LTBP1: variants seen among roughly 807,000 people sequenced by gnomAD.
LTBP1 encodes latent transforming growth factor beta binding protein 1, also known as latent-transforming growth factor beta-binding protein 1.
A neutral mutation model predicts 207.6 loss-of-function variants in LTBP1; 129 were observed. The observed-to-expected ratio is 0.62, with a 90% CI of 0.54 to 0.72. The LOEUF is 0.72. Ranked by LOEUF, LTBP1 falls within the 30% of genes least tolerant of loss-of-function variation. The pLI is 0.00. For missense variants in LTBP1, 2,281 were observed against 2,217.2 expected (o/e 1.03, Z -0.58); for synonymous variants, 963 against 833.7 (o/e 1.16, Z -2.67).
At chr2:33,081,134 C>CATT (rs2078369791) in intron 3 of LTBP1, among the ~76,000 whole-genome samples, 1 of 126,468 alleles carries the variant, frequency 7.9e-6, no homozygotes, top group African/African-American at 2.7e-5. Flanking sequence ...CTTAGCAAAG[C>CATT]CCCTTTGTTC....
In LTBP1 at chr2:33,056,684, C is replaced by T. The variant is rs544691652; in HGVS notation, c.863+35478C>T. The stretch of plus-strand genomic sequence containing the variant: ...TTTCTTCCTTCTGGGTTTGTGGTCT[C>T]GCTGGCTCAGGAGTGAAGATGCAGA... On this transcript the variant is annotated intron_variant, in intron 3 of 33. Transcript: ENST00000404816. 7.9e-5 allele frequency among the ~76,000 whole-genome samples: 12 copies of T among 151,956 alleles called. No individual in the cohort carries two copies. In the South Asian group the frequency reaches 1.0e-3, roughly 13 times the overall value.
At chr2:33,043,001 G>A (rs2076263856) in intron 3 of LTBP1, among the ~76,000 whole-genome samples, 1 of 152,100 alleles carries the variant, frequency 6.6e-6, no homozygotes, top group Admixed American at 6.6e-5. Context: ...CCCCAGCACT[G>A]TCTACACAGT....
At chr2:33,316,563 A>G (rs989455963) in intron 24 of LTBP1, among the ~76,000 whole-genome samples, 13 of 152,194 alleles carry the variant, frequency 8.5e-5, no homozygotes, top group African/African-American at 3.1e-4. Context: ...GAGAGAGTTC[A>G]GGGTGGATTG....
At chr2:33,358,437 T>C (rs2094890303) in intron 26 of LTBP1, among the ~76,000 whole-genome samples, 1 of 151,554 alleles carries the variant, frequency 6.6e-6, no homozygotes, top group African/African-American at 2.4e-5. Flanking sequence ...TATATTTAAA[T>C]ATATTTCAAA....
chr2:32,998,124 T>C (rs886266954), intron 2 of LTBP1, among the ~76,000 whole-genome samples: 3 of 152,196 alleles, frequency 2.0e-5, no homozygotes, highest in African/African-American at 7.2e-5. Context: ...ATTATAACTC[T>C]TGGACTCCTC....
At chr2:33,045,474 G>A (rs558955524) in intron 3 of LTBP1, among the ~76,000 whole-genome samples, 1 of 152,226 alleles carries the variant, frequency 6.6e-6, no homozygotes, top group East Asian at 1.9e-4. Context: ...TGGTCTGTAT[G>A]TCTGTTTTGG....
rs569934518 is a variant in LTBP1 at position 33,057,749 on chromosome 2, C to G, written c.863+36543C>G. 2.6e-5 allele frequency among the ~76,000 whole-genome samples: 4 copies of G among 152,228 alleles called. No homozygotes were observed. In the East Asian group the frequency reaches 5.8e-4, roughly 22 times the overall value. On this transcript the variant is annotated intron_variant, in intron 3 of 33. Coordinates refer to ENST00000404816, the MANE Select transcript of LTBP1 (RefSeq NM_206943.4). ...GCGGGGCCGCCAAGCCCACGCTCAC[C>G]GGGAACTCTAGCTGGCCTGCAAGCA...
intron 5 of LTBP1, among the ~76,000 whole-genome samples, chr2:33,173,429 C>T (rs1240766727): frequency 7.2e-5 from 11 of 152,192 alleles, no homozygotes; most frequent in Admixed American, 5.9e-4. Context: ...TTCCTTGACA[C>T]ATACACCCTC....
intron 3 of LTBP1, among the ~76,000 whole-genome samples, chr2:33,085,295 A>G (rs1163802805): frequency 2.6e-5 from 4 of 152,174 alleles, no homozygotes; most frequent in Non-Finnish European, 4.4e-5. Context: ...GTTTATGGCA[A>G]TTTGTTAGAG....
chr2:33,021,871 T>C (rs1398266847), intron 3 of LTBP1, among the ~76,000 whole-genome samples: 1 of 152,224 alleles, frequency 6.6e-6, no homozygotes, highest in African/African-American at 2.4e-5. Flanking sequence ...CCCCGTTCTC[T>C]GAGTTGCATT....
At chr2:33,162,849 C>T (rs942524096) in intron 5 of LTBP1, among the ~76,000 whole-genome samples, 1 of 152,154 alleles carries the variant, frequency 6.6e-6, no homozygotes, top group African/African-American at 2.4e-5. Flanking sequence ...CAGACAGGAA[C>T]CCTTGTCATT....
At chr2:32,957,612 T>C (rs1423703610) in intron 2 of LTBP1, among the ~76,000 whole-genome samples, 1 of 152,178 alleles carries the variant, frequency 6.6e-6, no homozygotes, top group African/African-American at 2.4e-5. Flanking sequence ...CATATCACTG[T>C]AACAGACACA....
chr2:33,130,842 G>A (rs2081749141), intron 4 of LTBP1, among the ~76,000 whole-genome samples: 1 of 152,138 alleles, frequency 6.6e-6, no homozygotes, highest in African/African-American at 2.4e-5. Context: ...AAGTTTTAAA[G>A]TGCTTGCTTA....
intron 24 of LTBP1, among the ~76,000 whole-genome samples, chr2:33,316,248 C>G (rs1042582829): frequency 3.9e-5 from 6 of 151,924 alleles, no homozygotes; most frequent in Admixed American, 6.6e-5. Context: ...TTCAGTTGAT[C>G]TCTTTTGAGA....
chr2:33,379,612 G>T (rs1236707148), intron 31 of LTBP1, among the ~76,000 whole-genome samples: 1 of 152,224 alleles, frequency 6.6e-6, no homozygotes, highest in African/African-American at 2.4e-5. Flanking sequence ...ATAGTGAACA[G>T]ATCCAGAGGG....
intron 2 of LTBP1, among the ~76,000 whole-genome samples, chr2:33,019,913 T>C (rs1245888344): frequency 6.7e-6 from 1 of 148,874 alleles, no homozygotes; most frequent in Non-Finnish European, 1.5e-5. Context: ...AGGGTCTTAC[T>C]ACGTTGCTGA....
Position 33,134,510 on chromosome 2 carries a change from G to C in LTBP1, c.1034-283G>C. The C allele has an allele frequency of 7.0e-7, 1 of 1,422,010 alleles. No homozygotes were observed. The highest frequency in any genetic ancestry group is 1.8e-4 in the Middle Eastern group (1 of 5,566). 88.1% of individuals were successfully genotyped at this position (1,422,010 alleles called of 1,614,324 possible). On this transcript the variant is annotated intron_variant, in intron 4 of 33. Coordinates refer to ENST00000404816, the MANE Select transcript of LTBP1 (RefSeq NM_206943.4). The surrounding 1 kb of genome is among the most constrained non-coding windows in gnomAD (Gnocchi z 4.4). ...TGAATAAAGTGCAGCATTGTGGTTA[G>C]TAATCCCACTCCAGTGACTCGACTT... is the stretch of plus-strand genomic sequence containing the variant.
chr2:33,005,274 G>A (rs570872337), intron 2 of LTBP1, among the ~76,000 whole-genome samples: 1 of 152,298 alleles, frequency 6.6e-6, no homozygotes, highest in East Asian at 1.9e-4. Context: ...ATGTATCAGC[G>A]TGGACGGCTT....
At chr2:33,188,910 C>T in intron 7 of LTBP1, 59 bp downstream of exon 7, 2 of 1,524,614 alleles carry the variant, frequency 1.3e-6, no homozygotes, top group South Asian at 2.5e-5. Context: ...ATCATTTTAA[C>T]AAGAAAGCCA....
Sources: gnomAD v4.1 joint callset for allele counts (sites outside exome capture counted in the v4.1 genomes callset) on GRCh38, gnomAD v4.1.1 for gene constraint, Gnocchi (gnomAD v3.1) non-coding constraint, MANE v1.5 for transcripts, NCBI Gene and HGNC (gene_info 2026-07-23, HGNC 2026-07-21) for gene names.